Variants in TNRC6C observed in about 807,000 individuals in gnomAD.
TNRC6C encodes trinucleotide repeat containing adaptor 6C, also known as trinucleotide repeat-containing gene 6C protein.
In TNRC6C, 20 loss-of-function variants were observed where a neutral mutation model predicts 153.7. That is an observed-to-expected ratio of 0.13 (90% CI 0.09 to 0.19). TNRC6C has a LOEUF of 0.19. TNRC6C is among the 10% of genes least tolerant of loss of function. TNRC6C has a pLI of 1.00. For missense variants in TNRC6C, 1,987 were observed against 2,172.0 expected (o/e 0.91, Z 1.69); for synonymous variants, 811 against 841.4 (o/e 0.96, Z 0.63).
chr17:78,058,474 A>G (rs2072702596), intron 3 of TNRC6C, among the ~76,000 whole-genome samples: 1 of 152,238 alleles, frequency 6.6e-6, no homozygotes, highest in Non-Finnish European at 1.5e-5. Flanking sequence ...GAGATTGAAG[A>G]AGAACTTCCA....
At chr17:78,050,808 G>C in exon 3 of TNRC6C, 1 of 1,613,180 alleles carries the variant, frequency 6.2e-7, no homozygotes, top group Non-Finnish European at 8.5e-7. Flanking sequence ...CCCAACACTG[G>C]GGAGATGGAC....
intron 1 of TNRC6C, among the ~76,000 whole-genome samples, chr17:77,991,817 G>T (rs958180386): frequency 1.3e-5 from 2 of 152,170 alleles, no homozygotes; most frequent in South Asian, 2.1e-4. Context: ...CTTTTGGACC[G>T]CAGTGAAGAA....
chr17:77,981,941 T>C (rs888328702), intron 1 of TNRC6C, among the ~76,000 whole-genome samples: 6 of 152,272 alleles, frequency 3.9e-5, no homozygotes, highest in African/African-American at 1.2e-4. Flanking sequence ...CCCAAAGATT[T>C]GTATGTTGAA....
At chr17:78,086,942 G>A (rs34543719) in exon 13 of TNRC6C, 29,950 of 1,612,154 alleles carry the variant, frequency 0.019, 360 homozygotes, top group Non-Finnish European at 0.022. Flanking sequence ...AGCCACCACC[G>A]CCACCGCCCC....
chr17:77,971,049 T>G (rs1459322812), intron 1 of TNRC6C, among the ~76,000 whole-genome samples: 1 of 152,118 alleles, frequency 6.6e-6, no homozygotes, highest in Non-Finnish European at 1.5e-5. Flanking sequence ...GGGTATAAAA[T>G]TCTTGTTTTA....
chr17:78,090,572 G>C (rs1048874585), intron 13 of TNRC6C, among the ~76,000 whole-genome samples: 6 of 152,330 alleles, frequency 3.9e-5, no homozygotes, highest in African/African-American at 1.4e-4. Flanking sequence ...CAAGCAGTCT[G>C]TCCTGCTCCA....
intron 15 of TNRC6C, 70 bp downstream of exon 17, chr17:78,093,194 T>A: frequency 1.3e-6 from 2 of 1,499,722 alleles, no homozygotes; most frequent in Non-Finnish European, 1.8e-6. Context: ...AGAGAGTGAT[T>A]AGGCTGAGAG....
intron 15 of TNRC6C, chr17:78,093,360 G>A: frequency 1.5e-6 from 1 of 665,896 alleles, no homozygotes; most frequent in South Asian, 2.0e-5. Flanking sequence ...GGGGTGGCAG[G>A]GAGGAAGCAC....
Position 78,075,789 on chromosome 17 carries a change from T to C in TNRC6C, c.3060+511T>C, listed in dbSNP as rs146720446. Among the ~76,000 whole-genome samples the C allele has an allele frequency of 2.0e-5, 3 of 152,212 alleles. No individual in the cohort carries two copies. The highest frequency in any genetic ancestry group is 6.5e-5 in the Admixed American group (1 of 15,286). ...GGTCACAGCTCAGCCCCCAGTGTTG[T>C]CATGTAATGATGTCCCCATGCCAGA... On this transcript the variant is annotated intron_variant, in intron 8 of 19. Transcript: ENST00000301624. This position sits in a 1 kb window ranked among gnomAD's most constrained non-coding sequence, Gnocchi z 4.2.
At chr17:78,000,624 C>A (rs1352853446), upstream of TNRC6C, among the ~76,000 whole-genome samples, 1 of 60,320 alleles carries the variant, frequency 1.7e-5, no homozygotes, top group Non-Finnish European at 3.8e-5. Flanking sequence ...CTCCGCCCCC[C>A]CCCCCCCACA....
chr17:78,065,493 A>G (rs948356781), intron 4 of TNRC6C, among the ~76,000 whole-genome samples: 2 of 152,188 alleles, frequency 1.3e-5, no homozygotes, highest in African/African-American at 4.8e-5. Context: ...CCCGCATATT[A>G]TGTTTGATTC....
intron 16 of TNRC6C, among the ~76,000 whole-genome samples, chr17:78,094,050 G>C (rs1356401981): frequency 6.6e-6 from 1 of 150,938 alleles, no homozygotes; most frequent in Non-Finnish European, 1.5e-5. Context: ...CATGATCTCA[G>C]CTCTCTGCAA....
chr17:78,090,337 A>G (rs906614449), intron 13 of TNRC6C, among the ~76,000 whole-genome samples: 4 of 152,214 alleles, frequency 2.6e-5, no homozygotes, highest in Admixed American at 6.5e-5. Context: ...CTTCATGTGC[A>G]TGGCCCACCT....
intron 10 of TNRC6C, among the ~76,000 whole-genome samples, chr17:78,082,627 G>A (rs914579798): frequency 2.6e-5 from 4 of 152,196 alleles, no homozygotes; most frequent in African/African-American, 7.2e-5. Context: ...AGATAAGGGC[G>A]TTTGTAACCC....
intron 11 of TNRC6C, among the ~76,000 whole-genome samples, chr17:78,083,838 C>A (rs554201079): frequency 1.6e-4 from 25 of 152,172 alleles, no homozygotes; most frequent in African/African-American, 5.3e-4. Context: ...TTCAATCAGT[C>A]TTACTGATTT....
chr17:78,098,639 C>A, intron 17 of TNRC6C, 102 bp downstream of exon 20: 1 of 1,361,048 alleles, frequency 7.3e-7, no homozygotes, highest in Non-Finnish European at 9.9e-7. Context: ...CTGCCTGTAA[C>A]TCTGGAGCCT....
intron 10 of TNRC6C, among the ~76,000 whole-genome samples, chr17:78,081,186 C>G (rs1041622049): frequency 1.3e-5 from 2 of 151,846 alleles, no homozygotes; most frequent in African/African-American, 4.8e-5. Flanking sequence ...GGGTGCTGAT[C>G]CAATTCATGG....
intron 16 of TNRC6C, among the ~76,000 whole-genome samples, chr17:78,096,029 T>C (rs1319169548): frequency 1.3e-5 from 2 of 152,000 alleles, no homozygotes; most frequent in Admixed American, 1.3e-4. Flanking sequence ...CCAGCCTGGG[T>C]GACAGAGCAA....
chr17:78,007,833 C>A (rs1472761322), intron 1 of TNRC6C, among the ~76,000 whole-genome samples: 1 of 152,204 alleles, frequency 6.6e-6, no homozygotes, highest in Non-Finnish European at 1.5e-5. Flanking sequence ...TAGACCAAAT[C>A]AATTAGAAAT....
Sources: allele counts gnomAD v4.1 joint callset (sites outside exome capture counted in the v4.1 genomes callset), GRCh38; gene constraint gnomAD v4.1.1; non-coding constraint Gnocchi (gnomAD v3.1); transcripts MANE v1.5; gene names NCBI Gene and HGNC (gene_info 2026-07-23, HGNC 2026-07-21).